PHACTR3: variants seen among roughly 807,000 people sequenced by gnomAD.
PHACTR3 encodes the protein phosphatase and actin regulator 3.
Under a neutral mutation model 66.8 loss-of-function variants are expected in PHACTR3, and 16 were observed. The observed-to-expected ratio is 0.24, with a 90% CI of 0.16 to 0.36. The LOEUF is 0.36. Ranked by LOEUF, PHACTR3 falls within the 10% of genes least tolerant of loss-of-function variation. The pLI is 1.00. For missense variants in PHACTR3, 647 were observed against 719.9 expected (o/e 0.90, Z 1.16); for synonymous variants, 323 against 292.1 (o/e 1.11, Z -1.08).
intron 9 of PHACTR3, among the ~76,000 whole-genome samples, chr20:59,836,898 A>C (rs2058977754): frequency 6.6e-6 from 1 of 152,164 alleles, no homozygotes; most frequent in African/African-American, 2.4e-5. Context: ...CAAAGCATGA[A>C]CCGCATGAAC....
intron 3 of PHACTR3, among the ~76,000 whole-genome samples, chr20:59,748,657 A>G (rs2039460205): frequency 6.6e-6 from 1 of 152,074 alleles, no homozygotes; most frequent in Non-Finnish European, 1.5e-5. Context: ...GTTCCCTGAG[A>G]GGCTAAATCT....
At chr20:59,718,973 A>C (rs1233747168) in intron 1 of PHACTR3, among the ~76,000 whole-genome samples, 9 of 152,252 alleles carry the variant, frequency 5.9e-5, no homozygotes, top group Non-Finnish European at 1.2e-4. Flanking sequence ...TTCCTCATCC[A>C]GACAAGAATC....
intron 1 of PHACTR3, among the ~76,000 whole-genome samples, chr20:59,694,909 G>T (rs2037240126): frequency 6.6e-6 from 1 of 152,156 alleles, no homozygotes. Context: ...CGGGTGCTAT[G>T]CCATTCAGTG....
intron 1 of PHACTR3, among the ~76,000 whole-genome samples, chr20:59,709,315 G>A (rs77903400): frequency 1.3e-5 from 2 of 152,134 alleles, no homozygotes; most frequent in Admixed American, 1.3e-4. Flanking sequence ...CTATAACCAT[G>A]GTCCCTTTGC....
chr20:59,668,869 T>G (rs970827123), intron 1 of PHACTR3, among the ~76,000 whole-genome samples: 21 of 142,582 alleles, frequency 1.5e-4, no homozygotes, highest in Admixed American at 1.0e-3. Flanking sequence ...CACAGCTAAT[T>G]TTTTTATTTT....
At chr20:59,753,621 C>T (rs1055225219) in intron 3 of PHACTR3, among the ~76,000 whole-genome samples, 1 of 152,216 alleles carries the variant, frequency 6.6e-6, no homozygotes, top group Non-Finnish European at 1.5e-5. Flanking sequence ...AAGTGCCTAC[C>T]TTATGCCAGA....
chr20:59,667,310 C>T (rs951739261), intron 1 of PHACTR3, among the ~76,000 whole-genome samples: 5 of 152,220 alleles, frequency 3.3e-5, no homozygotes, highest in Non-Finnish European at 5.9e-5. Flanking sequence ...CTGTGGGGCT[C>T]CCACAATAGG....
intron 8 of PHACTR3, among the ~76,000 whole-genome samples, chr20:59,833,157 T>G (rs2042434483): frequency 6.6e-6 from 1 of 152,202 alleles, no homozygotes; most frequent in Non-Finnish European, 1.5e-5. Flanking sequence ...TACAACCCTG[T>G]GCCTCCGGGG....
chr20:59,752,595 G>GAAAA (rs1222035975), intron 3 of PHACTR3, among the ~76,000 whole-genome samples: 1 of 21,872 alleles, frequency 4.6e-5, no homozygotes, highest in Non-Finnish European at 1.3e-4. Context: ...CTGCAAGAAA[G>GAAAA]CAGGGGAAGG....
chr20:59,600,108 T>A (rs2033430989), upstream of PHACTR3, among the ~76,000 whole-genome samples: 1 of 152,114 alleles, frequency 6.6e-6, no homozygotes, highest in Non-Finnish European at 1.5e-5. Flanking sequence ...TCCATGCTGC[T>A]CCCACCTCAT....
intron 8 of PHACTR3, among the ~76,000 whole-genome samples, chr20:59,826,197 TG>T (rs1272912870): frequency 3.4e-5 from 1 of 29,216 alleles, no homozygotes; most frequent in African/African-American, 1.3e-4. Context: ...ATCAGTGGGG[TG>T]GGGGAGGGGA....
chr20:59,662,429 G>C (rs569917444), intron 1 of PHACTR3, among the ~76,000 whole-genome samples: 51 of 152,250 alleles, frequency 3.3e-4, no homozygotes, highest in African/African-American at 1.2e-3. Flanking sequence ...GAGCAGGATG[G>C]TGTTTCAGAC....
At chr20:59,602,248 A>T (rs2033497950), upstream of PHACTR3, among the ~76,000 whole-genome samples, 1 of 152,006 alleles carries the variant, frequency 6.6e-6, no homozygotes, top group South Asian at 2.1e-4. Context: ...GCTGTGCTCC[A>T]TCAGTCCTAT....
chr20:59,644,696 G>T (rs977508930), intron 1 of PHACTR3, among the ~76,000 whole-genome samples: 1 of 152,182 alleles, frequency 6.6e-6, no homozygotes, highest in Admixed American at 6.5e-5. Context: ...TGGTGTCCCA[G>T]GTTGCTCCAG....
intron 1 of PHACTR3, among the ~76,000 whole-genome samples, chr20:59,684,025 A>G (rs1385730876): frequency 4.6e-5 from 7 of 152,140 alleles, no homozygotes; most frequent in Non-Finnish European, 8.8e-5. Context: ...TTATTCTAGA[A>G]CAGACTTGGG....
chr20:59,756,973 G>A (rs535886006), intron 4 of PHACTR3, among the ~76,000 whole-genome samples: 21 of 152,326 alleles, frequency 1.4e-4, no homozygotes, highest in Admixed American at 5.2e-4. Context: ...CTGACAAAGG[G>A]CTAATATCCA....
At chr20:59,799,870 C>T (rs2041362146) in intron 7 of PHACTR3, among the ~76,000 whole-genome samples, 1 of 151,948 alleles carries the variant, frequency 6.6e-6, no homozygotes, top group Admixed American at 6.6e-5. Context: ...TAGTTTTTTC[C>T]ATCTTTTCTA....
intron 12 of PHACTR3, among the ~76,000 whole-genome samples, chr20:59,845,513 C>A (rs940897006): frequency 8.5e-5 from 13 of 152,078 alleles, no homozygotes; most frequent in Admixed American, 8.5e-4. Flanking sequence ...GCATATTTAA[C>A]AAAAATAAGC....
chr20:59,687,534 T>C (rs1298795227), intron 1 of PHACTR3, among the ~76,000 whole-genome samples: 2 of 152,144 alleles, frequency 1.3e-5, no homozygotes, highest in African/African-American at 2.4e-5. Flanking sequence ...CCGAAGCTGA[T>C]GAGAGGATCA....
Sources: gnomAD v4.1 joint callset for allele counts (sites outside exome capture counted in the v4.1 genomes callset) on GRCh38, gnomAD v4.1.1 for gene constraint, MANE v1.5 for transcripts, NCBI Gene and HGNC (gene_info 2026-07-23, HGNC 2026-07-21) for gene names.